Variants in KDM3B observed in about 807,000 individuals in gnomAD.
KDM3B encodes the protein lysine demethylase 3B.
Under a neutral mutation model 170.0 loss-of-function variants are expected in KDM3B, and 10 were observed. The ratio of observed to expected loss-of-function variants is 0.06; its 90% CI spans 0.04 to 0.10. The LOEUF (loss-of-function observed/expected upper bound fraction) is 0.10, where lower values mean the gene tolerates loss of function less well. Ranked by LOEUF, KDM3B falls within the 10% of genes least tolerant of loss-of-function variation. KDM3B has a pLI of 1.00. For missense variants in KDM3B, 1,394 were observed against 2,195.2 expected (o/e 0.64, Z 7.29); for synonymous variants, 831 against 834.8 (o/e 1.00, Z 0.08).
intron 11 of KDM3B, 58 bp from the exon 12 acceptor site, chr5:138,415,074 C>T (rs544047807): frequency 8.2e-7 from 1 of 1,220,026 alleles, no homozygotes; most frequent in Non-Finnish European, 1.2e-6. Context: ...ACTCCATTCA[C>T]TGAGAAGGAT....
chr5:138,399,431 G>T (rs897099192), intron 10 of KDM3B, among the ~76,000 whole-genome samples: 7 of 151,686 alleles, frequency 4.6e-5, no homozygotes. Context: ...CCAGCTACTC[G>T]GGAGGCTGAG....
chr5:138,368,825 C>G (rs1386004586), intron 1 of KDM3B, among the ~76,000 whole-genome samples: 1 of 152,048 alleles, frequency 6.6e-6, no homozygotes, highest in Non-Finnish European at 1.5e-5. Flanking sequence ...GATAATTGCC[C>G]TTAAATTAGG....
In KDM3B at chr5:138,423,439, C is replaced by T. The variant is rs73792449; in HGVS notation, c.3973-636C>T. Among the ~76,000 whole-genome samples the T allele has an allele frequency of 3.6e-3, 547 of 152,270 alleles. 7 individuals carry two copies. Among genetic ancestry groups the T allele is most frequent in the African/African-American group, 0.013 (525 of 41,544 alleles). ...CAGTTTATAAAAGCTTCCCTACCTTCAGTTCTGTGACCTTAGGTATGTCAC... is the reference window on the plus strand; with the variant it reads ...CAGTTTATAAAAGCTTCCCTACCTTTAGTTCTGTGACCTTAGGTATGTCAC... On this transcript the variant is annotated intron_variant, in intron 15 of 23. Transcript: ENST00000314358.
At chr5:138,383,403 C>A (rs1373785178) in intron 6 of KDM3B, among the ~76,000 whole-genome samples, 2 of 142,316 alleles carry the variant, frequency 1.4e-5, no homozygotes, top group East Asian at 4.8e-4. Context: ...TCCCAAAGTT[C>A]TGGGTTTACA....
intron 7 of KDM3B, among the ~76,000 whole-genome samples, chr5:138,389,780 C>CTGTGTG (rs1230677685): frequency 1.7e-3 from 199 of 120,340 alleles, no homozygotes; most frequent in East Asian, 3.3e-3. Flanking sequence ...CTCTCTCTCT[C>CTGTGTG]TCTGTGTGTG....
At chr5:138,431,585 C>G (rs771967496) in intron 23 of KDM3B, 26 bp downstream of exon 23, 3 of 1,567,860 alleles carry the variant, frequency 1.9e-6, no homozygotes, top group Non-Finnish European at 2.6e-6. Context: ...CTCTACCCCA[C>G]TCTGTCTTCT....
chr5:138,377,536 C>T (rs188891125), intron 3 of KDM3B, among the ~76,000 whole-genome samples, 184 bp from the exon 4 acceptor site: 10 of 152,334 alleles, frequency 6.6e-5, no homozygotes, highest in African/African-American at 2.4e-4. Flanking sequence ...GATCCTCCTG[C>T]CTTGGCCTCC....
Position 138,426,886 on chromosome 5 carries a change from AAAAG to A in KDM3B, c.4412-87_4412-84del, listed in dbSNP as rs1309404109. On this transcript the variant is annotated intron_variant, in intron 17 of 23. Coordinates refer to ENST00000314358, the MANE Select transcript of KDM3B (RefSeq NM_016604.4). ...TCAAAAAAAAAAAAAAAAAAGAAAA[AAAAG>A]AGATTAGTCTCCCAAAAGTTACTGT... 844 of 579,374 alleles carry A rather than the reference AAAAG, an allele frequency of 1.5e-3. 5 individuals are homozygous for A. The highest frequency in any genetic ancestry group is 1.8e-3 in the Non-Finnish European group (711 of 391,058). 35.9% of individuals were successfully genotyped at this position (579,374 alleles called of 1,614,324 possible).
intron 17 of KDM3B, 93 bp downstream of exon 17, chr5:138,425,675 G>A: frequency 9.2e-7 from 1 of 1,081,956 alleles, no homozygotes; most frequent in Non-Finnish European, 1.3e-6. Flanking sequence ...ATTATATTCT[G>A]GGGCATAATG....
intron 7 of KDM3B, among the ~76,000 whole-genome samples, chr5:138,390,429 A>G (rs935112135): frequency 6.6e-5 from 10 of 152,226 alleles, no homozygotes; most frequent in African/African-American, 2.2e-4. Flanking sequence ...TTGAACCCAT[A>G]AATAGATGCC....
Position 138,435,544 on chromosome 5 carries a change from G to A in KDM3B, c.5206-76G>A, listed in dbSNP as rs1435804740. The stretch of plus-strand genomic sequence containing the variant: ...TTTTGGGAGTTTCCCCACTAAACCA[G>A]TAGGCTTACAGTCAAGGTAGAACGT... On this transcript the variant is annotated intron_variant, in intron 23 of 23. Transcript: ENST00000314358. The A allele has an allele frequency of 7.7e-6, 9 of 1,172,618 alleles. No homozygotes were observed. The African/African-American group carries it at 1.2e-4, about 16-fold the overall frequency. 72.6% of individuals were successfully genotyped at this position (1,172,618 alleles called of 1,614,324 possible).
intron 22 of KDM3B, among the ~76,000 whole-genome samples, chr5:138,431,219 A>G (rs1007121447): frequency 1.3e-5 from 2 of 152,044 alleles, no homozygotes; most frequent in African/African-American, 4.8e-5. Flanking sequence ...CGGCCTCCCA[A>G]AGTGCTGGGA....
At chr5:138,353,671 G>C (rs1414285114) in intron 1 of KDM3B, among the ~76,000 whole-genome samples, 1 of 152,172 alleles carries the variant, frequency 6.6e-6, no homozygotes, top group Non-Finnish European at 1.5e-5. Context: ...GCCGAACGGG[G>C]CTGCTGGGTA....
Position 138,419,085 on chromosome 5 carries a change from G to A in KDM3B, c.3568G>A (p.Glu1190Lys), listed in dbSNP as rs1763185381. The A allele has an allele frequency of 6.2e-7, 1 of 1,614,238 alleles. No homozygotes were observed. Among genetic ancestry groups the A allele is most frequent in the Non-Finnish European group, 8.5e-7 (1 of 1,180,048 alleles). ...CGACAGCACTGACATCAGATCTGAA[G>A]AGCCTCTGAAAACAGACAGTTCGGC... ...KADSTDIRSE[E>K]PLKTDSSASN... is the part of the protein sequence containing the mutation. Residue 1190 changes from glutamate (E) to lysine (K), a missense_variant, in exon 14 of 24, where the codon GAG becomes AAG. Physicochemically the swap from Glu to Lys is moderately conservative, Grantham distance 56 (BLOSUM62 1). Coordinates refer to ENST00000314358, the MANE Select transcript of KDM3B (RefSeq NM_016604.4).
intron 1 of KDM3B, among the ~76,000 whole-genome samples, chr5:138,362,975 A>G (rs1270539713): frequency 6.6e-6 from 1 of 151,418 alleles, no homozygotes; most frequent in East Asian, 1.9e-4. Flanking sequence ...ATATAAGAAA[A>G]CTTCTCAGTC....
intron 15 of KDM3B, among the ~76,000 whole-genome samples, chr5:138,422,894 G>T (rs973351218): frequency 3.3e-5 from 5 of 152,100 alleles, no homozygotes; most frequent in Non-Finnish European, 5.9e-5. Flanking sequence ...ATGAACTGTG[G>T]GTGACTGAGC....
At chr5:138,405,874 G>T (rs1015695127) in intron 11 of KDM3B, among the ~76,000 whole-genome samples, 7 of 152,188 alleles carry the variant, frequency 4.6e-5, no homozygotes, top group Non-Finnish European at 8.8e-5. Flanking sequence ...TACACTTTAT[G>T]TAAAGTGAGA....
At chr5:138,420,624 C>T in intron 14 of KDM3B, 82 bp from the exon 15 acceptor site, 1 of 1,457,310 alleles carries the variant, frequency 6.9e-7, no homozygotes, top group South Asian at 1.2e-5. Context: ...TCCTCCTTCC[C>T]ATGTGACTGA....
intron 9 of KDM3B, among the ~76,000 whole-genome samples, chr5:138,396,532 T>A (rs1322578633): frequency 6.6e-6 from 1 of 152,056 alleles, no homozygotes; most frequent in Admixed American, 6.6e-5. Flanking sequence ...AGAAAATAGA[T>A]GATGTTGAAA....
Sources: allele counts gnomAD v4.1 joint callset (sites outside exome capture counted in the v4.1 genomes callset), GRCh38; gene constraint gnomAD v4.1.1; transcripts MANE v1.5; gene names NCBI Gene and HGNC (gene_info 2026-07-23, HGNC 2026-07-21).